SLC7A14: variants seen among roughly 807,000 people sequenced by gnomAD.
The protein encoded by SLC7A14 is solute carrier family 7 member 14.
SLC7A14 carries 37 observed loss-of-function variants against 60.2 expected under a neutral mutation model. That is an observed-to-expected ratio of 0.61 (90% CI 0.47 to 0.81). The LOEUF is 0.81. Ranked by LOEUF, SLC7A14 falls within the 30% of genes least tolerant of loss-of-function variation. SLC7A14 has a pLI of 0.00. For missense variants in SLC7A14, 886 were observed against 982.7 expected (o/e 0.90, Z 1.32); for synonymous variants, 399 against 395.8 (o/e 1.01, Z -0.10).
chr3:170,480,607 C>T lies in SLC7A14; in HGVS notation c.1675G>A (p.Ala559Thr), dbSNP rs754870768. Reference sequence around the variant, plus strand: ...ATGGTCACCGTGTGCCCCGTCGCTGCTGTGGGCCGGTCCATTTTGCCTGGA... The same window carrying T: ...ATGGTCACCGTGTGCCCCGTCGCTGTTGTGGGCCGGTCCATTTTGCCTGGA... ...GLPGKMDRPT[A>T]ATGHTVTICV... The change falls in exon 7 of 8, where the codon GCA becomes ACA. Residue 559 changes from alanine to threonine, a missense_variant. By Grantham distance (58) the Ala-to-Thr change is moderately conservative (BLOSUM62 0). Transcript: ENST00000231706. The T allele has an allele frequency of 8.7e-6, 14 of 1,614,250 alleles. No homozygotes were observed. The highest frequency in any genetic ancestry group is 1.2e-5 in the Non-Finnish European group (14 of 1,180,048).
chr3:170,581,008 T>A (rs1715220141), intron 1 of SLC7A14, among the ~76,000 whole-genome samples: 2 of 152,118 alleles, frequency 1.3e-5, no homozygotes. Flanking sequence ...CGGGAGTAGG[T>A]CATAGATGCC....
chr3:170,459,648 A>T lies in SLC7A14; in HGVS notation c.*7407T>A, dbSNP rs1739554483. ...CAATAATGCAATTCAAAGTGAACTC[A>T]TTTATCTGGCTTTTCTACAAAGGAC... On this transcript the variant is annotated 3_prime_UTR_variant, in exon 8 of 8. Transcript: ENST00000231706. 6.6e-6 allele frequency: 1 copy of T among 152,200 alleles called. No homozygotes were observed. Among genetic ancestry groups the T allele is most frequent in the African/African-American group, 2.4e-5 (1 of 41,448 alleles). The allele number at this position is 152,200 out of a possible 1,614,324, so 9.4% of individuals were successfully genotyped here. A position where few individuals can be genotyped will look rare whatever the true frequency, so the allele number is the denominator to read the frequency against.
chr3:170,470,999 G>C (rs1047363591), intron 7 of SLC7A14, among the ~76,000 whole-genome samples: 5 of 152,072 alleles, frequency 3.3e-5, no homozygotes, highest in South Asian at 4.1e-4. Flanking sequence ...ATGATGGATG[G>C]TTGATGTTGC....
At chr3:170,580,565 C>G (rs1002196290) in intron 1 of SLC7A14, among the ~76,000 whole-genome samples, 3 of 152,204 alleles carry the variant, frequency 2.0e-5, no homozygotes, top group African/African-American at 7.2e-5. Context: ...TTGAGGACAG[C>G]AGGCTTGACC....
chr3:170,538,757 C>G (rs1713925425), intron 1 of SLC7A14, among the ~76,000 whole-genome samples: 2 of 152,226 alleles, frequency 1.3e-5, no homozygotes, highest in Non-Finnish European at 2.9e-5. Context: ...CTCAGGCTGG[C>G]CTGCAAGATG....
chr3:170,501,184 T>A lies in SLC7A14; in HGVS notation c.466A>T (p.Ser156Cys). ...GTAAGASALS[S>C]MFDSLANHTI... Reference sequence around the variant, plus strand: ...TGGTTGGCTAGTGAGTCAAACATGCTGCTCAGAGCACTGGCTCCGGCCGCA... The same window carrying A: ...TGGTTGGCTAGTGAGTCAAACATGCAGCTCAGAGCACTGGCTCCGGCCGCA... The change falls in exon 3 of 8, where the codon AGC becomes TGC. Residue 156 changes from serine (S) to cysteine (C), a missense_variant. By Grantham distance (112) the Ser-to-Cys change is moderately radical (BLOSUM62 -1). Coordinates refer to ENST00000231706, the MANE Select transcript of SLC7A14 (RefSeq NM_020949.3). The A allele has an allele frequency of 6.2e-7, 1 of 1,614,216 alleles. No homozygotes were observed. The highest frequency in any genetic ancestry group is 1.1e-5 in the South Asian group (1 of 91,080).
At chr3:170,512,821 G>A (rs560900490) in intron 2 of SLC7A14, among the ~76,000 whole-genome samples, 3 of 151,608 alleles carry the variant, frequency 2.0e-5, no homozygotes, top group Admixed American at 2.0e-4. Flanking sequence ...CCGCCACTAC[G>A]CCCGGCTAAT....
intron 2 of SLC7A14, among the ~76,000 whole-genome samples, chr3:170,507,671 T>G (rs1712824318): frequency 1.3e-5 from 2 of 152,206 alleles, no homozygotes; most frequent in Admixed American, 1.3e-4. Context: ...TGGGACCTTT[T>G]TAACAGACGA....
intron 6 of SLC7A14, 119 bp downstream of exon 6, chr3:170,483,195 G>A (rs1235136897): frequency 4.2e-6 from 5 of 1,184,688 alleles, no homozygotes; most frequent in Admixed American, 1.9e-5. Flanking sequence ...ACATAACAAG[G>A]TCCACAGTCC....
chr3:170,525,233 G>GGCCAAT (rs1713456287), intron 2 of SLC7A14, among the ~76,000 whole-genome samples: 1 of 152,172 alleles, frequency 6.6e-6, no homozygotes, highest in South Asian at 2.1e-4. Context: ...TTCTCAAGTT[G>GGCCAAT]TCCATTGGCC....
At chr3:170,520,605 G>GTC (rs370658946) in intron 2 of SLC7A14, among the ~76,000 whole-genome samples, 1 of 152,150 alleles carries the variant, frequency 6.6e-6, no homozygotes, top group Non-Finnish European at 1.5e-5. Context: ...GACAAAAATT[G>GTC]TAAGTATTGT....
At chr3:170,549,139 A>T (rs1714262557) in intron 1 of SLC7A14, among the ~76,000 whole-genome samples, 1 of 152,100 alleles carries the variant, frequency 6.6e-6, no homozygotes, top group Non-Finnish European at 1.5e-5. Flanking sequence ...ACACAAAAAG[A>T]GAGGTTTGGA....
chr3:170,577,471 A>G (rs1353418475), intron 1 of SLC7A14, among the ~76,000 whole-genome samples: 1 of 148,834 alleles, frequency 6.7e-6, no homozygotes, highest in Admixed American at 6.6e-5. Context: ...ACAAAAACTT[A>G]GCCGGGCGCG....
intron 1 of SLC7A14, among the ~76,000 whole-genome samples, chr3:170,577,171 G>C (rs1210719200): frequency 6.6e-6 from 1 of 152,228 alleles, no homozygotes; most frequent in Non-Finnish European, 1.5e-5. Context: ...TGAGGGGCAA[G>C]ATCTATTACC....
At chr3:170,476,136 TA>T (rs1711604308) in intron 7 of SLC7A14, among the ~76,000 whole-genome samples, 1 of 152,140 alleles carries the variant, frequency 6.6e-6, no homozygotes, top group African/African-American at 2.4e-5. Flanking sequence ...CCTGGGAACT[TA>T]AAAAATATTC....
chr3:170,514,593 A>G (rs1183033128), intron 2 of SLC7A14, among the ~76,000 whole-genome samples: 1 of 152,228 alleles, frequency 6.6e-6, no homozygotes, highest in Admixed American at 6.5e-5. Context: ...AGCCTTGTTA[A>G]AGGAGGCTGT....
intron 1 of SLC7A14, among the ~76,000 whole-genome samples, chr3:170,568,087 C>T (rs1377559160): frequency 6.6e-6 from 1 of 152,110 alleles, no homozygotes; most frequent in African/African-American, 2.4e-5. Context: ...CTTGCCCATG[C>T]CTATGTCCTG....
chr3:170,492,232 G>A (rs567676125), intron 4 of SLC7A14, among the ~76,000 whole-genome samples: 54 of 152,306 alleles, frequency 3.5e-4, no homozygotes, highest in African/African-American at 1.3e-3. Context: ...GAATAAAATT[G>A]GTGGGTGAAA....
intron 4 of SLC7A14, 114 bp from the exon 5 acceptor site, chr3:170,486,482 G>C: frequency 1.5e-6 from 2 of 1,353,292 alleles, no homozygotes; most frequent in Non-Finnish European, 2.1e-6. Flanking sequence ...GGCTGAGGGA[G>C]TAACATGGTG....
Sources: allele counts gnomAD v4.1 joint callset (sites outside exome capture counted in the v4.1 genomes callset), GRCh38; gene constraint gnomAD v4.1.1; transcripts MANE v1.5; gene names NCBI Gene and HGNC (gene_info 2026-07-23, HGNC 2026-07-21).